DCHS1: variants seen among roughly 807,000 people sequenced by gnomAD.
DCHS1 encodes the protein protocadherin-16.
A neutral mutation model predicts 213.9 loss-of-function variants in DCHS1; 78 were observed. The observed-to-expected ratio is 0.36, with a 90% CI of 0.30 to 0.44. DCHS1 has a LOEUF of 0.44. Ranked by LOEUF, DCHS1 falls within the 20% of genes least tolerant of loss-of-function variation. The pLI, the probability that DCHS1 is intolerant of heterozygous loss-of-function variation, is 1.00. For synonymous variants in DCHS1, 1,828 were observed against 1,873.7 expected (o/e 0.98, Z 0.63); for missense variants, 3,946 against 4,395.9 (o/e 0.90, Z 2.89).
chr11:6,626,124 G>C lies in DCHS1; in HGVS notation c.6576+45C>G. The C allele has an allele frequency of 1.3e-6, 2 of 1,595,690 alleles. No homozygotes were observed. The highest frequency in any genetic ancestry group is 1.7e-6 in the Non-Finnish European group (2 of 1,171,110). ...GACTGGTCTGGCCACAGACAAGTCT[G>C]ACTAGCCCTGCTCCCCCGCCCAATC... On this transcript the variant is annotated intron_variant, in intron 16 of 20. Coordinates refer to ENST00000299441, the MANE Select transcript of DCHS1 (RefSeq NM_003737.4). This position sits in a 1 kb window ranked among gnomAD's most constrained non-coding sequence, Gnocchi z 5.2.
chr11:6,640,825 C>T lies in DCHS1; in HGVS notation c.789G>A (p.Val263=), dbSNP rs1277314564. ...TGCCAGGGGCCAGGCTCTCAGACAC[C>T]ACAGCATGGTAGCGGCTCTGATTGA... ...PAFNQSRYHA[V]VSESLAPGSP... The change falls in exon 2 of 21, where the codon GTG becomes GTA. Residue 263 remains valine (V), a synonymous_variant. Coordinates refer to ENST00000299441, the MANE Select transcript of DCHS1 (RefSeq NM_003737.4). The surrounding 1 kb of genome is among the most constrained non-coding windows in gnomAD (Gnocchi z 6.5). 2.5e-6 allele frequency: 4 copies of T among 1,613,938 alleles called. No homozygotes were observed. The highest frequency in any genetic ancestry group is 1.3e-5 in the African/African-American group (1 of 74,938).
chr11:6,631,675 C>A lies in DCHS1; in HGVS notation c.3616G>T (p.Asp1206Tyr). The change falls in exon 7 of 21, where the codon GAC becomes TAC. Residue 1206 changes from aspartate (D) to tyrosine (Y), a missense_variant. By Grantham distance (160) the Asp-to-Tyr change is radical. Around this residue, in one of 3 missense-constraint regions of DCHS1, gnomAD observed 3,384 missense variants for 3,780.1 expected, o/e 0.90. Coordinates refer to ENST00000299441, the MANE Select transcript of DCHS1 (RefSeq NM_003737.4). ...TVHVAVLDLNDNSPTFLQASG... is the reference protein window; with the variant it reads ...TVHVAVLDLNYNSPTFLQASG... Reference sequence around the variant, plus strand: ...GCCTGCAGGAACGTGGGGCTGTTGTCGTTGAGGTCAAGCACTGCAACATGC... The same window carrying A: ...GCCTGCAGGAACGTGGGGCTGTTGTAGTTGAGGTCAAGCACTGCAACATGC... The A allele has an allele frequency of 1.2e-6, 2 of 1,608,052 alleles. No individual in the cohort carries two copies. The highest frequency in any genetic ancestry group is 1.7e-6 in the Non-Finnish European group (2 of 1,177,010).
chr11:6,628,594 ATT>A lies in DCHS1; in HGVS notation c.5371+25_5371+26del. On this transcript the variant is annotated intron_variant, in intron 13 of 20. Coordinates refer to ENST00000299441, the MANE Select transcript of DCHS1 (RefSeq NM_003737.4). This position sits in a 1 kb window ranked among gnomAD's most constrained non-coding sequence, Gnocchi z 4.3. The stretch of plus-strand genomic sequence containing the variant: ...CAAGAACCAGGCAAGTGGGTGCTGA[ATT>A]AAGTGGGAGTGGGAAGGTTCTCACC... The A allele has an allele frequency of 1.2e-6, 2 of 1,612,890 alleles. No homozygotes were observed. The highest frequency in any genetic ancestry group is 1.7e-6 in the Non-Finnish European group (2 of 1,179,298).
intron 1 of DCHS1, among the ~76,000 whole-genome samples, chr11:6,645,714 T>G (rs1048703416): frequency 6.6e-6 from 1 of 152,138 alleles, no homozygotes; most frequent in African/African-American, 2.4e-5. Context: ...TCTCAACCTG[T>G]GCTCCTACCA....
At chr11:6,651,014 G>A (rs1383069822) in intron 1 of DCHS1, among the ~76,000 whole-genome samples, 2 of 152,208 alleles carry the variant, frequency 1.3e-5, no homozygotes, top group South Asian at 2.1e-4. Context: ...GAGTGAACGA[G>A]GGTGAGGGAT....
chr11:6,626,412 C>T lies in DCHS1; in HGVS notation c.6365-32G>A, dbSNP rs1469618134. 1.9e-6 allele frequency: 3 copies of T among 1,608,636 alleles called. No individual in the cohort carries two copies. The highest frequency in any genetic ancestry group is 2.5e-6 in the Non-Finnish European group (3 of 1,176,798). ...GAGATAGAATGCATCAGTGATAGCC[C>T]CCTTTGCTTGCCCTGGAGCCTCCTT... On this transcript the variant is annotated intron_variant, in intron 15 of 20. Transcript: ENST00000299441. The surrounding 1 kb of genome is among the most constrained non-coding windows in gnomAD (Gnocchi z 5.2).
In DCHS1 at chr11:6,622,337, T is replaced by C; in HGVS notation, c.9339A>G (p.Pro3113=). Residue 3113 remains proline (P), a synonymous_variant, in exon 21 of 21, where the codon CCA becomes CCG. Transcript: ENST00000299441. The surrounding 1 kb of genome is among the most constrained non-coding windows in gnomAD (Gnocchi z 5.4). ...GATLYREEGP[P]ATATAFLGGC... is the part of the protein sequence containing the mutation. Reference sequence around the variant, plus strand: ...CCCCCAGGAAGGCTGTGGCAGTGGCTGGGGGCCCCTCCTCTCTGTAGAGAG... The same window carrying C: ...CCCCCAGGAAGGCTGTGGCAGTGGCCGGGGGCCCCTCCTCTCTGTAGAGAG... The C allele has an allele frequency of 6.2e-7, 1 of 1,600,190 alleles. No individual in the cohort carries two copies.
rs148425035 is a variant in DCHS1 at position 6,626,812 on chromosome 11, G to A, written c.6227C>T (p.Thr2076Met). ...PRFPRASSEA[T>M]IRENAPPGTP... Reference sequence around the variant, plus strand: ...ACCTGGGGGCGCATTCTCACGAATCGTAGCCTCACTGCTAGCCCGGGGAAA... The same window carrying A: ...ACCTGGGGGCGCATTCTCACGAATCATAGCCTCACTGCTAGCCCGGGGAAA... Residue 2076 changes from threonine (T) to methionine (M), a missense_variant, in exon 14 of 21, where the codon ACG (threonine) becomes ATG (methionine). Transcript: ENST00000299441. The surrounding 1 kb of genome is among the most constrained non-coding windows in gnomAD (Gnocchi z 5.2). 9.9e-6 allele frequency: 16 copies of A among 1,612,606 alleles called. No individual in the cohort carries two copies. The highest frequency in any genetic ancestry group is 5.3e-5 in the African/African-American group (4 of 74,922).
At position 6,631,070 on chromosome 11, in the gene DCHS1, G is replaced by C. The variant is rs1440230418; in HGVS notation, c.3913C>G (p.Leu1305Val). ...DQGSPPRSAS[L>V]QLLVQVLPSA... ...AGCCATACCTGCACCAGCAGCTGGAGGCTGGCACTTCGAGGAGGGCTGCCT... is the reference window on the plus strand; with the variant it reads ...AGCCATACCTGCACCAGCAGCTGGACGCTGGCACTTCGAGGAGGGCTGCCT... Residue 1305 changes from leucine (L) to valine (V), a missense_variant, in exon 9 of 21, where the codon CTC (leucine) becomes GTC (valine). Transcript: ENST00000299441. The C allele has an allele frequency of 3.7e-6, 6 of 1,610,298 alleles. No individual in the cohort carries two copies. The African/African-American group carries it at 8.0e-5, about 22-fold the overall frequency.
rs1855959241 is a variant in DCHS1, at chr11:6,634,366, G to A, written c.1798-60C>T. On this transcript the variant is annotated intron_variant, in intron 2 of 20. Transcript: ENST00000299441. The stretch of plus-strand genomic sequence containing the variant: ...TCTTTGCCAGAAAAGCCAGAGGTAG[G>A]TGGCCATTAGAATGAACAACTGGTG... The A allele has an allele frequency of 2.0e-6, 3 of 1,509,018 alleles. No homozygotes were observed. In the African/African-American group the frequency reaches 4.2e-5, roughly 21 times the overall value. 93.5% of individuals were successfully genotyped at this position (1,509,018 alleles called of 1,614,324 possible).
chr11:6,627,538 G>A lies in DCHS1; in HGVS notation c.5501C>T (p.Ala1834Val). Residue 1834 changes from alanine to valine, a missense_variant, in exon 14 of 21, where the codon GCT becomes GTT. Coordinates refer to ENST00000299441, the MANE Select transcript of DCHS1 (RefSeq NM_003737.4). The surrounding 1 kb of genome is among the most constrained non-coding windows in gnomAD (Gnocchi z 5.4). ...RIEARDGGQP[A>V]LSATLLLTVT... ...TGTCAAAAGCAGCGTGGCACTGAGA[G>A]CTGGCTGGCCTCCATCCCGGGCCTC... The A allele has an allele frequency of 6.2e-7, 1 of 1,612,778 alleles. No homozygotes were observed. Among genetic ancestry groups the A allele is most frequent in the Non-Finnish European group, 8.5e-7 (1 of 1,179,598 alleles).
At position 6,626,932 on chromosome 11, in the gene DCHS1, A is replaced by C. The variant is rs1231453264; in HGVS notation, c.6107T>G (p.Leu2036Arg). The change falls in exon 14 of 21, where the codon CTC becomes CGC. Residue 2036 changes from leucine (L) to arginine (R), a missense_variant. Physicochemically the swap from Leu to Arg is moderately radical, Grantham distance 102 (BLOSUM62 -2). Transcript: ENST00000299441. This position sits in a 1 kb window ranked among gnomAD's most constrained non-coding sequence, Gnocchi z 5.2. ...PVALGPRDRV[L>R]FIVATDLGRP... ...GCCAAGATCAGTGGCCACAATGAAG[A>C]GGACACGATCTCGGGGGCCTAGAGC... 6.2e-7 allele frequency: 1 copy of C among 1,613,718 alleles called. No homozygotes were observed. Among genetic ancestry groups the C allele is most frequent in the South Asian group, 1.1e-5 (1 of 91,078 alleles).
At chr11:6,654,742 TGTGTCCCTATGG>T (rs1257578494) in intron 1 of DCHS1, among the ~76,000 whole-genome samples, 3 of 152,132 alleles carry the variant, frequency 2.0e-5, no homozygotes, top group African/African-American at 7.2e-5. Flanking sequence ...GGGCTATGAC[TGTGTCCCTATGG>T]GTATTTGAGA....
Position 6,629,873 on chromosome 11 carries a change from GT to G in DCHS1, c.4833del (p.Gln1611HisfsTer7). On this transcript the variant is annotated frameshift_variant, in exon 11 of 21. Coordinates refer to ENST00000299441, the MANE Select transcript of DCHS1 (RefSeq NM_003737.4). LOFTEE classifies it high-confidence loss of function. ...LSVVRPLDRE[Q>X]RAEHVLTVVA... ...ACCACTGTCAGTACGTGCTCAGCTC[GT>G]TGTTCGCGGTCCAACGGCCGCACCA... 6.2e-7 allele frequency: 1 copy of G among 1,612,832 alleles called. No homozygotes were observed. Among genetic ancestry groups the G allele is most frequent in the Non-Finnish European group, 8.5e-7 (1 of 1,179,638 alleles).
rs886962268 is a variant in DCHS1, at chr11:6,630,389, T to A, written c.4405A>T (p.Asn1469Tyr). Reference protein sequence around the residue: ...RASDADGPGPNSDVRYRLLRQ... With the variant: ...RASDADGPGPYSDVRYRLLRQ... ...AGCAGGCGGTAGCGCACGTCGCTAT[T>A]GGGGCCGGGGCCGTCGGCGTCCGAC... Residue 1469 changes from asparagine (N) to tyrosine (Y), a missense_variant, in exon 10 of 21, where the codon AAT becomes TAT. Transcript: ENST00000299441. The A allele has an allele frequency of 1.4e-6, 2 of 1,397,670 alleles. No individual in the cohort carries two copies. The highest frequency in any genetic ancestry group is 3.1e-5 in the African/African-American group (2 of 64,678). The allele number at this position is 1,397,670 out of a possible 1,614,324, so 86.6% of individuals were successfully genotyped here.
In DCHS1 at chr11:6,640,363, T is replaced by G. The variant is rs1169096261; in HGVS notation, c.1251A>C (p.Gln417His). 1 of 1,613,266 alleles carries G rather than the reference T, an allele frequency of 6.2e-7. No homozygotes were observed. Among genetic ancestry groups the G allele is most frequent in the East Asian group, 2.2e-5 (1 of 44,872 alleles). The change falls in exon 2 of 21, where the codon CAA (glutamine) becomes CAC (histidine). Residue 417 changes from glutamine (Q) to histidine (H), a missense_variant. By Grantham distance (24) the Gln-to-His change is conservative (BLOSUM62 0). Transcript: ENST00000299441. The surrounding 1 kb of genome is among the most constrained non-coding windows in gnomAD (Gnocchi z 6.5). ...GGEGHFALST[Q>H]DSVIYLVCVA... The stretch of plus-strand genomic sequence containing the variant: ...CACACACCAGATAGATGACGCTGTC[T>G]TGGGTGCTTAGGGCAAAGTGGCCCT...
chr11:6,625,152 G>C lies in DCHS1; in HGVS notation c.7146+46C>G. The C allele has an allele frequency of 6.5e-7, 1 of 1,531,474 alleles. No homozygotes were observed. The highest frequency in any genetic ancestry group is 1.3e-5 in the South Asian group (1 of 76,860). The allele number at this position is 1,531,474 out of a possible 1,614,324, so 94.9% of individuals were successfully genotyped here. A position where few individuals can be genotyped will look rare whatever the true frequency, so the allele number is the denominator to read the frequency against. ...CTAGCTCTGATACTTCCCTCCAACA[G>C]GAACAACCCAGGCCCAGGTGTAGGT... On this transcript the variant is annotated intron_variant, in intron 19 of 20. Coordinates refer to ENST00000299441, the MANE Select transcript of DCHS1 (RefSeq NM_003737.4). This position sits in a 1 kb window ranked among gnomAD's most constrained non-coding sequence, Gnocchi z 5.3.
In DCHS1 at chr11:6,628,649, G is replaced by C; in HGVS notation, c.5343C>G (p.Ala1781=). ...MLRASDPDVG[A]NGQLQYRILD... The stretch of plus-strand genomic sequence containing the variant: ...GGATGCGGTACTGCAACTGCCCATT[G>C]GCTCCCACATCTGGATCAGAGGCCC... The change falls in exon 13 of 21, where the codon GCC becomes GCG. Residue 1781 remains alanine, a synonymous_variant. Coordinates refer to ENST00000299441, the MANE Select transcript of DCHS1 (RefSeq NM_003737.4). This position sits in a 1 kb window ranked among gnomAD's most constrained non-coding sequence, Gnocchi z 4.3. 1 of 1,614,022 alleles carries C rather than the reference G, an allele frequency of 6.2e-7. No homozygotes were observed. Among genetic ancestry groups the C allele is most frequent in the Non-Finnish European group, 8.5e-7 (1 of 1,179,892 alleles).
rs940907107 is a variant in DCHS1 at position 6,632,804 on chromosome 11, A to G, written c.2708T>C (p.Leu903Pro). ...AGTCCCTGGGGCAGTGTTTGGTGGT[A>G]GCAATACCGTGTCTTCAGGTGCAGG... Reference protein sequence around the residue: ...AFPAPEDTVLLPPNTAPGTPI... With the variant: ...AFPAPEDTVLPPPNTAPGTPI... The change falls in exon 6 of 21, where the codon CTA becomes CCA. Residue 903 changes from leucine (L) to proline (P), a missense_variant. Transcript: ENST00000299441. This position sits in a 1 kb window ranked among gnomAD's most constrained non-coding sequence, Gnocchi z 5.9. 2 of 1,613,826 alleles carry G rather than the reference A, an allele frequency of 1.2e-6. No individual in the cohort carries two copies. Among genetic ancestry groups the G allele is most frequent in the African/African-American group, 2.7e-5 (2 of 74,934 alleles).
Sources: allele counts gnomAD v4.1 joint callset (sites outside exome capture counted in the v4.1 genomes callset), GRCh38; gene constraint gnomAD v4.1.1; regional missense constraint gnomAD v4.1.1; non-coding constraint Gnocchi (gnomAD v3.1); transcripts MANE v1.5; gene names NCBI Gene and HGNC (gene_info 2026-07-23, HGNC 2026-07-21).